Variants in COLEC12 observed in about 807,000 individuals in gnomAD.
COLEC12 encodes collectin-12.
A neutral mutation model predicts 71.1 loss-of-function variants in COLEC12; 33 were observed. The ratio of observed to expected loss-of-function variants is 0.46; its 90% CI spans 0.35 to 0.62. The LOEUF (loss-of-function observed/expected upper bound fraction) is 0.62, where lower values mean the gene tolerates loss of function less well. Ranked by LOEUF, COLEC12 falls within the 20% of genes least tolerant of loss-of-function variation. The probability of loss-of-function intolerance (pLI) is 0.00; values close to 1 mark genes in which losing one functional copy is unlikely to be tolerated. For synonymous variants in COLEC12, 350 were observed against 353.0 expected (o/e 0.99, Z 0.10); for missense variants, 765 against 916.1 (o/e 0.84, Z 2.13).
intron 2 of COLEC12, among the ~76,000 whole-genome samples, chr18:474,838 C>G (rs11081137): frequency 0.18 from 27,429 of 151,956 alleles, 2,571 homozygotes; most frequent in East Asian, 0.34. Flanking sequence ...TTTTGGAGGC[C>G]AAGGCAGGCG....
intron 2 of COLEC12, among the ~76,000 whole-genome samples, chr18:382,089 C>T (rs977689056): frequency 6.6e-6 from 1 of 152,196 alleles, no homozygotes; most frequent in Admixed American, 6.5e-5. Flanking sequence ...ACACCCATGG[C>T]GGAGTTGGAA....
chr18:496,865 C>T (rs1917722197), intron 1 of COLEC12, among the ~76,000 whole-genome samples: 1 of 152,164 alleles, frequency 6.6e-6, no homozygotes, highest in Admixed American at 6.5e-5. Context: ...TAACCAATAT[C>T]CCCAACTTTA....
intron 2 of COLEC12, among the ~76,000 whole-genome samples, chr18:379,176 A>G (rs1461370430): frequency 2.0e-5 from 3 of 151,698 alleles, no homozygotes; most frequent in Non-Finnish European, 4.4e-5. Flanking sequence ...AGGCTGGAGT[A>G]CGGAGGAGTG....
intron 2 of COLEC12, among the ~76,000 whole-genome samples, chr18:471,853 A>C (rs1052639250): frequency 6.6e-6 from 1 of 152,142 alleles, no homozygotes; most frequent in Non-Finnish European, 1.5e-5. Context: ...CCCTTTGTAC[A>C]TAACTAATTT....
chr18:344,269 A>G (rs1053517210), intron 5 of COLEC12, among the ~76,000 whole-genome samples: 2 of 152,150 alleles, frequency 1.3e-5, no homozygotes, highest in South Asian at 2.1e-4. Context: ...GCTAATACCC[A>G]TTTTATGAGG....
chr18:343,344 A>T (rs639124), intron 5 of COLEC12, among the ~76,000 whole-genome samples: 56,331 of 151,820 alleles, frequency 0.37, 10,924 homozygotes, highest in East Asian at 0.49. Flanking sequence ...GGGACCTCCT[A>T]AAGCTGGGGT....
At chr18:426,206 C>T (rs920171823) in intron 2 of COLEC12, among the ~76,000 whole-genome samples, 2 of 152,104 alleles carry the variant, frequency 1.3e-5, no homozygotes, top group Admixed American at 1.3e-4. Flanking sequence ...CAAAACATTC[C>T]TAGGATGTAA....
In COLEC12 at chr18:346,094, C is replaced by T. The variant is rs539289219; in HGVS notation, c.1327+201G>A. Reference sequence around the variant, plus strand: ...CAGCCACAGTCAAGCCTTCAGATGACTGCAGCTCTGGCTGAGATCTTGACA... The same window carrying T: ...CAGCCACAGTCAAGCCTTCAGATGATTGCAGCTCTGGCTGAGATCTTGACA... On this transcript the variant is annotated intron_variant, in intron 5 of 9. Transcript: ENST00000400256. This position sits in a 1 kb window ranked among gnomAD's most constrained non-coding sequence, Gnocchi z 4.0. 3.9e-5 allele frequency among the ~76,000 whole-genome samples: 6 copies of T among 152,340 alleles called. No individual in the cohort carries two copies. The South Asian group carries it at 1.2e-3, about 32-fold the overall frequency.
intron 2 of COLEC12, among the ~76,000 whole-genome samples, chr18:429,814 T>A (rs534906503): frequency 1.7e-3 from 261 of 152,316 alleles, no homozygotes; most frequent in African/African-American, 5.9e-3. Context: ...TGCAGCCCTA[T>A]GATCGTAAAG....
intron 2 of COLEC12, among the ~76,000 whole-genome samples, chr18:389,511 C>T (rs1331380602): frequency 6.6e-6 from 1 of 151,782 alleles, no homozygotes; most frequent in Non-Finnish European, 1.5e-5. Flanking sequence ...ATCTCCTGAC[C>T]TCATGGTCCG....
At chr18:441,121 G>T (rs1344832894) in intron 2 of COLEC12, among the ~76,000 whole-genome samples, 3 of 82,704 alleles carry the variant, frequency 3.6e-5, no homozygotes, top group African/African-American at 1.1e-4. Flanking sequence ...GGTGGCGGGC[G>T]CCTGTAGTCC....
chr18:448,806 T>C (rs2143708845), intron 2 of COLEC12, among the ~76,000 whole-genome samples: 1 of 152,264 alleles, frequency 6.6e-6, no homozygotes, highest in African/African-American at 2.4e-5. Flanking sequence ...TTTTAAAGAG[T>C]TCAAAAGATT....
chr18:462,378 C>T (rs1226524468), intron 2 of COLEC12, among the ~76,000 whole-genome samples: 1 of 152,180 alleles, frequency 6.6e-6, no homozygotes, highest in Non-Finnish European at 1.5e-5. Flanking sequence ...CTACATGCCA[C>T]AACATGGATG....
intron 1 of COLEC12, among the ~76,000 whole-genome samples, chr18:499,044 A>G (rs746883464): frequency 1.3e-5 from 2 of 152,162 alleles, no homozygotes; most frequent in Non-Finnish European, 2.9e-5. Flanking sequence ...AGCAGAGAAG[A>G]TTCACTTCTG....
intron 5 of COLEC12, among the ~76,000 whole-genome samples, chr18:342,023 C>A (rs993052665): frequency 1.8e-4 from 28 of 152,142 alleles, no homozygotes; most frequent in African/African-American, 6.8e-4. Flanking sequence ...GAATAAAAAT[C>A]TTTATATGAT....
chr18:355,482 C>T (rs1291485398), intron 3 of COLEC12, among the ~76,000 whole-genome samples: 3 of 152,010 alleles, frequency 2.0e-5, no homozygotes, highest in South Asian at 2.1e-4. Context: ...ATATCTGTAC[C>T]TTAACAAACA....
intron 2 of COLEC12, among the ~76,000 whole-genome samples, chr18:406,494 C>T (rs971279962): frequency 5.4e-4 from 63 of 115,808 alleles, no homozygotes; most frequent in Admixed American, 4.4e-3. Flanking sequence ...CCGGCCTGGA[C>T]GACAGAGCGA....
At chr18:456,317 T>C (rs556634262) in intron 2 of COLEC12, among the ~76,000 whole-genome samples, 2 of 152,152 alleles carry the variant, frequency 1.3e-5, no homozygotes, top group Non-Finnish European at 2.9e-5. Flanking sequence ...ACAACCTTCA[T>C]ACAAAACACA....
chr18:347,367 A>T (rs763200600), intron 4 of COLEC12, 26 bp from the exon 5 acceptor site: 2 of 1,586,756 alleles, frequency 1.3e-6, no homozygotes, highest in South Asian at 2.3e-5. Flanking sequence ...TCTGTGACTT[A>T]TATTGGTGGT....
Sources: gnomAD v4.1 joint callset for allele counts (sites outside exome capture counted in the v4.1 genomes callset) on GRCh38, gnomAD v4.1.1 for gene constraint, Gnocchi (gnomAD v3.1) non-coding constraint, MANE v1.5 for transcripts, NCBI Gene and HGNC (gene_info 2026-07-23, HGNC 2026-07-21) for gene names.